The following PMS1 variants were observed in gnomAD, a reference collection of about 807,000 sequenced individuals.
PMS1 encodes PMS1 protein homolog 1.
In PMS1, 79 loss-of-function variants were observed where a neutral mutation model predicts 93.1. That is an observed-to-expected ratio of 0.85 (90% CI 0.71 to 1.02). The LOEUF is 1.02. Among genes scored for constraint, PMS1 ranks in the 50% least tolerant of loss-of-function variants. PMS1 has a pLI of 0.00. For synonymous variants in PMS1, 335 were observed against 363.4 expected (o/e 0.92, Z 0.89); for missense variants, 1,064 against 1,085.3 (o/e 0.98, Z 0.28).
intron 9 of PMS1, among the ~76,000 whole-genome samples, chr2:189,858,568 A>G (rs2055606377): frequency 6.6e-6 from 1 of 152,132 alleles, no homozygotes; most frequent in African/African-American, 2.4e-5. Context: ...GATGAGTACC[A>G]TATGTGAAAA....
intron 5 of PMS1, among the ~76,000 whole-genome samples, chr2:189,843,534 C>T (rs1468923587): frequency 6.6e-6 from 1 of 152,204 alleles, no homozygotes; most frequent in Non-Finnish European, 1.5e-5. Context: ...TGATCATCCT[C>T]AGTAAAACAG....
At position 189,854,005 on chromosome 2, in the gene PMS1, C is replaced by G. The variant is rs146040262; in HGVS notation, c.889C>G (p.Leu297Val). The change falls in exon 8 of 13, where the codon CTG (leucine) becomes GTG (valine). Residue 297 changes from leucine to valine, a missense_variant. Coordinates refer to ENST00000441310, the MANE Select transcript of PMS1 (RefSeq NM_000534.5). The part of the protein sequence containing the change: ...ESTRLYPVFF[L>V]KIDVPTADVD... Reference sequence around the variant, plus strand: ...TACTCGTTTGTATCCTGTTTTCTTTCTGAAAATCGATGTTCCTACAGCTGA... The same window carrying G: ...TACTCGTTTGTATCCTGTTTTCTTTGTGAAAATCGATGTTCCTACAGCTGA... The G allele has an allele frequency of 1.3e-5, 21 of 1,608,406 alleles. 1 individual carries two copies. The African/African-American group carries it at 2.0e-4, about 15-fold the overall frequency.
rs1387745749 is a variant in PMS1 at position 189,823,435 on chromosome 2, C to G, written c.582+5255C>G. 2.6e-5 allele frequency among the ~76,000 whole-genome samples: 4 copies of G among 151,942 alleles called. No homozygotes were observed. The East Asian group carries it at 5.8e-4, about 22-fold the overall frequency. On this transcript the variant is annotated intron_variant, in intron 5 of 12. Coordinates refer to ENST00000441310, the MANE Select transcript of PMS1 (RefSeq NM_000534.5). ...TATCCCTCCCCCTTCCTCCCACCCC[C>G]TCAACAGGCCCCGGTGTGTGATGTT...
Position 189,864,152 on chromosome 2 carries a change from C to G in PMS1, c.2266C>G (p.Leu756Val). Residue 756 changes from leucine to valine, a missense_variant, in exon 10 of 13, where the codon CTG becomes GTG. Physicochemically the swap from Leu to Val is conservative, Grantham distance 32. Transcript: ENST00000441310. The stretch of plus-strand genomic sequence containing the variant: ...AAATCCATATAGAGTAGAAGAAGCC[C>G]TGCTATTTAAAAGACTTCTTGAGAA... ...LLNPYRVEEALLFKRLLENHK... is the reference protein window; with the variant it reads ...LLNPYRVEEAVLFKRLLENHK... The G allele has an allele frequency of 6.2e-7, 1 of 1,610,504 alleles. No homozygotes were observed. Among genetic ancestry groups the G allele is most frequent in the Non-Finnish European group, 8.5e-7 (1 of 1,177,234 alleles).
intron 11 of PMS1, among the ~76,000 whole-genome samples, chr2:189,868,998 T>C (rs895643874): frequency 1.3e-5 from 2 of 152,208 alleles, no homozygotes; most frequent in Admixed American, 1.3e-4. Context: ...CTATTCTAAG[T>C]ATTAAATGTA....
chr2:189,862,249 C>T (rs2056096443), intron 9 of PMS1, among the ~76,000 whole-genome samples: 1 of 152,076 alleles, frequency 6.6e-6, no homozygotes, highest in African/African-American at 2.4e-5. Flanking sequence ...CTTTTGCCAT[C>T]TTTTATCTGC....
At chr2:189,824,389 T>C (rs986531582) in intron 5 of PMS1, among the ~76,000 whole-genome samples, 5 of 152,082 alleles carry the variant, frequency 3.3e-5, no homozygotes, top group African/African-American at 1.2e-4. Flanking sequence ...CTGTTTTTAT[T>C]TTATTTATTT....
At chr2:189,853,041 G>T (rs1438045325) in intron 7 of PMS1, among the ~76,000 whole-genome samples, 1 of 151,698 alleles carries the variant, frequency 6.6e-6, no homozygotes, top group Non-Finnish European at 1.5e-5. Flanking sequence ...AGAGTTAGTA[G>T]TTTTTTTTGT....
chr2:189,805,613 T>A (rs771352611), intron 3 of PMS1, 39 bp from the exon 4 acceptor site: 4 of 1,470,696 alleles, frequency 2.7e-6, no homozygotes, highest in East Asian at 2.3e-5. Flanking sequence ...CATCGCAATA[T>A]CTAAAGTGTT....
At chr2:189,856,022 AT>A (rs5743139) in intron 9 of PMS1, 6,938 of 180,916 alleles carry the variant, frequency 0.038, 194 homozygotes, top group Admixed American at 0.058. Flanking sequence ...TACTTGACCA[AT>A]TTTTTTTTTC....
At chr2:189,840,207 T>TCCCC (rs1182170688) in intron 5 of PMS1, among the ~76,000 whole-genome samples, 8 of 152,154 alleles carry the variant, frequency 5.3e-5, no homozygotes, top group African/African-American at 1.7e-4. Flanking sequence ...CAGAGTAATT[T>TCCCC]CAGAGCAAGT....
At chr2:189,853,719 G>A (rs2055023865) in intron 7 of PMS1, among the ~76,000 whole-genome samples, 1 of 149,274 alleles carries the variant, frequency 6.7e-6, no homozygotes, top group Admixed American at 6.6e-5. Flanking sequence ...GTTTCATCAT[G>A]TTGGCCAGGC....
At chr2:189,815,552 C>T (rs563656721) in intron 4 of PMS1, among the ~76,000 whole-genome samples, 1 of 152,282 alleles carries the variant, frequency 6.6e-6, no homozygotes, top group South Asian at 2.1e-4. Flanking sequence ...CTCATGCCGC[C>T]TTGTGAAGAA....
chr2:189,784,791 T>C (rs965951764), intron 1 of PMS1, 198 bp downstream of exon 1: 1 of 152,286 alleles, frequency 6.6e-6, no homozygotes, highest in Non-Finnish European at 1.5e-5. Flanking sequence ...CGGGGTGTTC[T>C]GGCTTGGTCT....
intron 11 of PMS1, among the ~76,000 whole-genome samples, chr2:189,871,314 T>TAA (rs201037567): frequency 6.7e-6 from 1 of 148,230 alleles, no homozygotes; most frequent in Non-Finnish European, 1.5e-5. Flanking sequence ...TCATGAGCTT[T>TAA]AAAAAAAAAA....
chr2:189,841,706 T>C (rs1013697571), intron 5 of PMS1, among the ~76,000 whole-genome samples: 14 of 147,534 alleles, frequency 9.5e-5, no homozygotes, highest in East Asian at 2.0e-4. Flanking sequence ...TTCTCTGTTA[T>C]AGACTTCTGC....
rs556806845 is a variant in PMS1 at position 189,792,119 on chromosome 2, T to G, written c.132+178T>G. Among the ~76,000 whole-genome samples the G allele has an allele frequency of 3.9e-5, 6 of 152,344 alleles. No homozygotes were observed. The East Asian group carries it at 1.2e-3, about 29-fold the overall frequency. On this transcript the variant is annotated intron_variant, in intron 2 of 12. Coordinates refer to ENST00000441310, the MANE Select transcript of PMS1 (RefSeq NM_000534.5). ...AAATAAATTTTAATTTAAATTAACA[T>G]TATAGTAACACTAAAGGAAATATAA...
chr2:189,809,447 C>CTTTTTTTTTTTTTTTTTT lies in PMS1; in HGVS notation c.418+3703_418+3720dup, dbSNP rs972672920. ...TTGGTGCTTTTAAGGAAGCACATTTCTTTTTTTTTTTTTTTTTTTTTTTTT... is the reference window on the plus strand; with the variant it reads ...TTGGTGCTTTTAAGGAAGCACATTTCTTTTTTTTTTTTTTTTTTTTTTTTTTTTTTTTTTTTTTTTTTT... On this transcript the variant is annotated intron_variant, in intron 4 of 12. Coordinates refer to ENST00000441310, the MANE Select transcript of PMS1 (RefSeq NM_000534.5). Among the ~76,000 whole-genome samples, 65 of 63,456 alleles carry CTTTTTTTTTTTTTTTTTT rather than the reference C, an allele frequency of 1.0e-3. 8 individuals carry two copies. Among genetic ancestry groups the CTTTTTTTTTTTTTTTTTT allele is most frequent in the African/African-American group, 2.0e-3 (36 of 18,118 alleles). 41.6% of individuals were successfully genotyped at this position (63,456 alleles called of 152,430 possible). A position where few individuals can be genotyped will look rare whatever the true frequency, so the allele number is the denominator to read the frequency against.
At chr2:189,785,896 G>A (rs1181944950) in intron 1 of PMS1, among the ~76,000 whole-genome samples, 1 of 152,096 alleles carries the variant, frequency 6.6e-6, no homozygotes, top group African/African-American at 2.4e-5. Context: ...AGGCCAAGGC[G>A]GGCGGATCAC....
Sources: allele counts gnomAD v4.1 joint callset (sites outside exome capture counted in the v4.1 genomes callset), GRCh38; gene constraint gnomAD v4.1.1; transcripts MANE v1.5; gene names NCBI Gene and HGNC (gene_info 2026-07-23, HGNC 2026-07-21).